The following SPPL3 variants were observed in gnomAD, a reference collection of about 807,000 sequenced individuals.
SPPL3 encodes signal peptide peptidase like 3.
Under a neutral mutation model 42.4 loss-of-function variants are expected in SPPL3, and 5 were observed. That is an observed-to-expected ratio of 0.12 (90% CI 0.06 to 0.25). The LOEUF (loss-of-function observed/expected upper bound fraction) is 0.25, where lower values mean the gene tolerates loss of function less well. SPPL3 is among the 10% of genes least tolerant of loss of function. The pLI is 1.00. For missense variants in SPPL3, 235 were observed against 489.0 expected (o/e 0.48, Z 4.90); for synonymous variants, 195 against 181.8 (o/e 1.07, Z -0.58).
intron 2 of SPPL3, among the ~76,000 whole-genome samples, chr12:120,799,974 C>A (rs1870232952): frequency 6.6e-6 from 1 of 152,098 alleles, no homozygotes. Flanking sequence ...CAATTATAGG[C>A]CTTTAACTTA....
intron 2 of SPPL3, among the ~76,000 whole-genome samples, chr12:120,799,067 G>C (rs1342971836): frequency 6.6e-6 from 1 of 152,004 alleles, no homozygotes; most frequent in Non-Finnish European, 1.5e-5. Flanking sequence ...TTCAAATACA[G>C]CTGCTCCTTG....
intron 6 of SPPL3, among the ~76,000 whole-genome samples, chr12:120,772,683 C>T (rs989857651): frequency 1.4e-4 from 21 of 152,090 alleles, no homozygotes; most frequent in African/African-American, 5.1e-4. Flanking sequence ...CTTGGCAGAC[C>T]CTGGACACAT....
chr12:120,851,850 C>A, intron 1 of SPPL3, among the ~76,000 whole-genome samples: 1 of 152,244 alleles, frequency 6.6e-6, no homozygotes, highest in East Asian at 1.9e-4. Flanking sequence ...GCGATCTGCC[C>A]GCCTCAGCCT....
chr12:120,766,598 T>C (rs1006905459), intron 9 of SPPL3, among the ~76,000 whole-genome samples: 1 of 152,208 alleles, frequency 6.6e-6, no homozygotes, highest in Non-Finnish European at 1.5e-5. Context: ...CACTCCTTGC[T>C]CAGGTTCCTG....
At chr12:120,851,164 G>A (rs530274344) in intron 1 of SPPL3, among the ~76,000 whole-genome samples, 35 of 152,198 alleles carry the variant, frequency 2.3e-4, no homozygotes, top group African/African-American at 8.2e-4. Context: ...GAATGAGAAC[G>A]CGAGTCTAGA....
At chr12:120,855,933 G>A (rs1262683343) in intron 1 of SPPL3, among the ~76,000 whole-genome samples, 3 of 152,112 alleles carry the variant, frequency 2.0e-5, no homozygotes, top group Non-Finnish European at 2.9e-5. Flanking sequence ...AAGACTAAAT[G>A]CAATTCTGAA....
intron 1 of SPPL3, among the ~76,000 whole-genome samples, chr12:120,832,660 C>T (rs1403971467): frequency 1.3e-5 from 2 of 151,500 alleles, no homozygotes; most frequent in Non-Finnish European, 2.9e-5. Flanking sequence ...GAACGAAACT[C>T]CGTCTCAAAA....
chr12:120,857,523 G>A (rs1872499619), intron 1 of SPPL3, among the ~76,000 whole-genome samples: 1 of 152,164 alleles, frequency 6.6e-6, no homozygotes, highest in Non-Finnish European at 1.5e-5. Flanking sequence ...ACACATGCAT[G>A]TGTTTGTTTA....
At chr12:120,809,026 T>C (rs1464621650) in intron 2 of SPPL3, among the ~76,000 whole-genome samples, 1 of 152,216 alleles carries the variant, frequency 6.6e-6, no homozygotes, top group African/African-American at 2.4e-5. Flanking sequence ...GTTATGAATC[T>C]GGAGTTCTCA....
chr12:120,826,595 A>C (rs960916249), intron 1 of SPPL3, among the ~76,000 whole-genome samples: 3 of 152,164 alleles, frequency 2.0e-5, no homozygotes, highest in Admixed American at 2.0e-4. Flanking sequence ...GTAAGTGATA[A>C]GAGTCTCTGC....
chr12:120,789,236 T>C (rs1332492256), intron 3 of SPPL3, among the ~76,000 whole-genome samples: 2 of 151,628 alleles, frequency 1.3e-5, no homozygotes, highest in Non-Finnish European at 2.9e-5. Context: ...GGAGGATCAC[T>C]TGAGGTCAGG....
intron 1 of SPPL3, among the ~76,000 whole-genome samples, chr12:120,837,874 T>C (rs144844463): frequency 2.0e-5 from 3 of 152,148 alleles, no homozygotes; most frequent in African/African-American, 7.2e-5. Flanking sequence ...ATCAAAATGG[T>C]ATAGTCTCTA....
At chr12:120,901,355 AG>A (rs1873976071) in intron 1 of SPPL3, among the ~76,000 whole-genome samples, 1 of 151,886 alleles carries the variant, frequency 6.6e-6, no homozygotes, top group African/African-American at 2.4e-5. Flanking sequence ...CACTTTGGGA[AG>A]CCGAGGTGGG....
Position 120,767,455 on chromosome 12 carries a change from G to T in SPPL3, c.912C>A (p.Asn304Lys), listed in dbSNP as rs1454730244. ...GDSCGAPGPA[N>K]ISGRMQKVSY... is the part of the protein sequence containing the mutation. ...AGACCTTCTGCATGCGCCCGGAGAT[G>T]TTGGCAGGTCCAGGGGCCCCACAGG... The change falls in exon 9 of 11, where the codon AAC (asparagine) becomes AAA (lysine). Residue 304 changes from asparagine (N) to lysine (K), a missense_variant. Coordinates refer to ENST00000353487, the MANE Select transcript of SPPL3 (RefSeq NM_139015.5). The T allele has an allele frequency of 3.7e-6, 6 of 1,614,046 alleles. No individual in the cohort carries two copies. The highest frequency in any genetic ancestry group is 5.1e-6 in the Non-Finnish European group (6 of 1,180,056).
intron 2 of SPPL3, chr12:120,791,849 G>T: frequency 3.2e-6 from 1 of 313,622 alleles, no homozygotes; most frequent in Non-Finnish European, 6.0e-6. Flanking sequence ...AAGCCTAGAA[G>T]GAGAAATGTC....
intron 1 of SPPL3, among the ~76,000 whole-genome samples, chr12:120,897,462 A>T (rs1873845767): frequency 6.6e-6 from 1 of 152,170 alleles, no homozygotes. Flanking sequence ...GGTGGCTCAC[A>T]CCTGTAATCC....
intron 6 of SPPL3, among the ~76,000 whole-genome samples, chr12:120,781,636 C>T (rs1434314252): frequency 8.3e-6 from 1 of 120,144 alleles, no homozygotes; most frequent in African/African-American, 3.2e-5. Flanking sequence ...TGCAGTGGCT[C>T]GATCTTGGCT....
chr12:120,852,150 C>T (rs1181083075), intron 1 of SPPL3, among the ~76,000 whole-genome samples: 1 of 151,966 alleles, frequency 6.6e-6, no homozygotes, highest in Non-Finnish European at 1.5e-5. Context: ...ACTGCTTGTA[C>T]ACTCCTGCTC....
chr12:120,838,349 C>T (rs1226383299), intron 1 of SPPL3, among the ~76,000 whole-genome samples: 2 of 152,172 alleles, frequency 1.3e-5, no homozygotes, highest in African/African-American at 4.8e-5. Flanking sequence ...CTTCCTTCCT[C>T]TCCTAGGAGA....
Sources: gnomAD v4.1 joint callset for allele counts (sites outside exome capture counted in the v4.1 genomes callset) on GRCh38, gnomAD v4.1.1 for gene constraint, MANE v1.5 for transcripts, NCBI Gene and HGNC (gene_info 2026-07-23, HGNC 2026-07-21) for gene names.